SMPD3: variants seen among roughly 807,000 people sequenced by gnomAD.
SMPD3 encodes the protein nSMase-2.
SMPD3 carries 21 observed loss-of-function variants against 55.7 expected under a neutral mutation model. That is an observed-to-expected ratio of 0.38 (90% CI 0.27 to 0.54). SMPD3 has a LOEUF of 0.54. SMPD3 is among the 20% of genes least tolerant of loss of function. SMPD3 has a pLI of 0.80. For synonymous variants in SMPD3, 457 were observed against 404.3 expected (o/e 1.13, Z -1.56); for missense variants, 842 against 899.6 (o/e 0.94, Z 0.82).
chr16:68,445,000 G>T (rs915085526), intron 1 of SMPD3, among the ~76,000 whole-genome samples: 1 of 152,212 alleles, frequency 6.6e-6, no homozygotes, highest in Non-Finnish European at 1.5e-5. Context: ...TTTTGTGACT[G>T]CAAGAAATTC....
At chr16:68,441,979 T>C (rs1252940254) in intron 1 of SMPD3, among the ~76,000 whole-genome samples, 1 of 152,148 alleles carries the variant, frequency 6.6e-6, no homozygotes, top group Non-Finnish European at 1.5e-5. Context: ...TTACCCAGGC[T>C]AGTCTTGAAC....
chr16:68,439,455 A>G (rs1288193003), intron 1 of SMPD3, among the ~76,000 whole-genome samples: 1 of 152,246 alleles, frequency 6.6e-6, no homozygotes, highest in Non-Finnish European at 1.5e-5. Flanking sequence ...TGTGCATATT[A>G]ACACCAGACT....
At chr16:68,425,667 ATTGCT>A (rs1488369999) in intron 1 of SMPD3, among the ~76,000 whole-genome samples, 1 of 152,148 alleles carries the variant, frequency 6.6e-6, no homozygotes, top group Non-Finnish European at 1.5e-5. Flanking sequence ...AGCTCTTCAG[ATTGCT>A]GTTAGCACTG....
At position 68,447,046 on chromosome 16, in the gene SMPD3, A is replaced by G. The variant is rs1344672586; in HGVS notation, c.-269+1307T>C. On this transcript the variant is annotated intron_variant, in intron 1 of 8. Transcript: ENST00000219334. This position sits in a 1 kb window ranked among gnomAD's most constrained non-coding sequence, Gnocchi z 5.1. Reference sequence around the variant, plus strand: ...CTTTGTCTCCCGCCCCGCTCCTGGCACGTTTCCGTGGAAGCTGCCCGCGCC... The same window carrying G: ...CTTTGTCTCCCGCCCCGCTCCTGGCGCGTTTCCGTGGAAGCTGCCCGCGCC... Among the ~76,000 whole-genome samples the G allele has an allele frequency of 6.6e-6, 1 of 151,606 alleles. No homozygotes were observed. The highest frequency in any genetic ancestry group is 1.5e-5 in the Non-Finnish European group (1 of 67,886).
intron 1 of SMPD3, among the ~76,000 whole-genome samples, chr16:68,423,690 T>C (rs2152025687): frequency 6.6e-6 from 1 of 152,336 alleles, no homozygotes; most frequent in East Asian, 1.9e-4. Context: ...ACTGGTCTTG[T>C]TCCTGAACCC....
chr16:68,361,645 G>T lies in SMPD3; in HGVS notation c.1824C>A (p.Tyr608Ter). 1 of 1,611,456 alleles carries T rather than the reference G, an allele frequency of 6.2e-7. No individual in the cohort carries two copies. Among genetic ancestry groups the T allele is most frequent in the Non-Finnish European group, 8.5e-7 (1 of 1,179,960 alleles). ...ACAGCCCCTCCTCTGCATGCAGCAT[G>T]TAGTCGATGCGCCGGCCGTTGCCCT... is the stretch of plus-strand genomic sequence containing the variant. ...LLKGNGRRID[Y>*]MLHAEEGLCP... The change falls in exon 8 of 9, where the codon TAC (tyrosine) becomes TAA (stop). Residue 608 changes from tyrosine to a stop codon, truncating the protein, a stop_gained. Transcript: ENST00000219334. LOFTEE classifies it high-confidence loss of function.
At chr16:68,362,509 G>A (rs1455136989) in intron 7 of SMPD3, among the ~76,000 whole-genome samples, 2 of 152,242 alleles carry the variant, frequency 1.3e-5, no homozygotes, top group South Asian at 4.1e-4. Context: ...TGGGCCAGAG[G>A]CTTAGGACCC....
At chr16:68,418,409 A>C (rs2090356674) in intron 1 of SMPD3, among the ~76,000 whole-genome samples, 1 of 152,212 alleles carries the variant, frequency 6.6e-6, no homozygotes, top group South Asian at 2.1e-4. Flanking sequence ...GGTGATGAGT[A>C]ATTTAACCAA....
At chr16:68,407,317 C>G (rs1398034527) in intron 1 of SMPD3, among the ~76,000 whole-genome samples, 3 of 152,146 alleles carry the variant, frequency 2.0e-5, no homozygotes, top group African/African-American at 4.8e-5. Context: ...CAACCCTGCT[C>G]TTAGGCATAA....
At chr16:68,425,957 A>G (rs550209503) in intron 1 of SMPD3, among the ~76,000 whole-genome samples, 1 of 152,280 alleles carries the variant, frequency 6.6e-6, no homozygotes, top group Admixed American at 6.5e-5. Context: ...CATGTGGAGG[A>G]TGCTAAGGGA....
intron 5 of SMPD3, 90 bp from the exon 6 acceptor site, chr16:68,363,956 T>A (rs557183786): frequency 2.5e-6 from 3 of 1,219,644 alleles, no homozygotes; most frequent in Admixed American, 4.1e-5. Context: ...TTACTCCCCA[T>A]GTGCTGCCAG....
At chr16:68,444,389 T>A (rs970652316) in intron 1 of SMPD3, among the ~76,000 whole-genome samples, 3 of 152,254 alleles carry the variant, frequency 2.0e-5, no homozygotes, top group Non-Finnish European at 4.4e-5. Context: ...CCAGCATGCA[T>A]GCTGCCACTT....
intron 1 of SMPD3, among the ~76,000 whole-genome samples, chr16:68,388,946 TTCAA>T (rs1464715067): frequency 6.6e-6 from 1 of 151,898 alleles, no homozygotes; most frequent in Non-Finnish European, 1.5e-5. Flanking sequence ...ATGGGAAAAA[TTCAA>T]TCAGAGCCTC....
At chr16:68,445,089 C>A (rs963867997) in intron 1 of SMPD3, among the ~76,000 whole-genome samples, 1 of 152,246 alleles carries the variant, frequency 6.6e-6, no homozygotes, top group Non-Finnish European at 1.5e-5. Context: ...CTCTCTCCCC[C>A]ACTTCTGTCA....
chr16:68,432,755 C>T (rs2152030582), intron 1 of SMPD3, among the ~76,000 whole-genome samples: 1 of 152,288 alleles, frequency 6.6e-6, no homozygotes, highest in African/African-American at 2.4e-5. Flanking sequence ...AGTGAGCATT[C>T]CAAGTGCCAG....
At position 68,370,850 on chromosome 16, in the gene SMPD3, G is replaced by T. The variant is rs760502278; in HGVS notation, c.1323+9C>A. ...CACGTGGTCCTCAGGCTGGGCCGAG[G>T]TCTCCTACCTTGAGAAACAGAGCTC... On this transcript the variant is annotated intron_variant, in intron 3 of 8. Transcript: ENST00000219334. 3 of 1,613,052 alleles carry T rather than the reference G, an allele frequency of 1.9e-6. No individual in the cohort carries two copies. Among genetic ancestry groups the T allele is most frequent in the Non-Finnish European group, 1.7e-6 (2 of 1,179,546 alleles).
intron 1 of SMPD3, among the ~76,000 whole-genome samples, chr16:68,431,189 A>G (rs1408905134): frequency 1.3e-5 from 2 of 152,190 alleles, no homozygotes; most frequent in Admixed American, 6.5e-5. Context: ...CTCACATAAT[A>G]AAGGGGGCTG....
chr16:68,411,265 A>AAT (rs1182535427), intron 1 of SMPD3, among the ~76,000 whole-genome samples: 2 of 152,328 alleles, frequency 1.3e-5, no homozygotes, highest in African/African-American at 4.8e-5. Flanking sequence ...GAGGGGCACA[A>AAT]ACTCCTTGGG....
At chr16:68,379,609 G>A (rs1448090461) in intron 2 of SMPD3, among the ~76,000 whole-genome samples, 1 of 152,182 alleles carries the variant, frequency 6.6e-6, no homozygotes, top group East Asian at 1.9e-4. Context: ...TGCAGGGGAC[G>A]ACGTCAGGGC....
Sources: gnomAD v4.1 joint callset for allele counts (sites outside exome capture counted in the v4.1 genomes callset) on GRCh38, gnomAD v4.1.1 for gene constraint, Gnocchi (gnomAD v3.1) non-coding constraint, MANE v1.5 for transcripts, NCBI Gene and HGNC (gene_info 2026-07-23, HGNC 2026-07-21) for gene names.